PCDHGA5: variants seen among roughly 807,000 people sequenced by gnomAD.
PCDHGA5 encodes protocadherin gamma subfamily A, 5.
Under a neutral mutation model 56.7 loss-of-function variants are expected in PCDHGA5, and 36 were observed. The observed-to-expected ratio is 0.64, with a 90% CI of 0.49 to 0.84. PCDHGA5 has a LOEUF of 0.84. PCDHGA5 is among the 40% of genes least tolerant of loss of function. PCDHGA5 has a pLI of 0.00. For missense variants in PCDHGA5, 1,305 were observed against 1,201.5 expected (o/e 1.09, Z -1.27); for synonymous variants, 563 against 520.2 (o/e 1.08, Z -1.12).
chr5:141,395,327 AAAT>A (rs760723981), intron 1 of PCDHGA5: 2 of 1,469,018 alleles, frequency 1.4e-6, no homozygotes, highest in Non-Finnish European at 1.8e-6. Flanking sequence ...AGATAGTTGA[AAAT>A]AATTTTTAAG....
Position 141,393,514 on chromosome 5 carries a change from A to T in PCDHGA5, c.2421+26763A>T, listed in dbSNP as rs72492419. 17 of 1,613,912 alleles carry T rather than the reference A, an allele frequency of 1.1e-5. No individual in the cohort carries two copies. In the East Asian group the frequency reaches 3.8e-4, roughly 36 times the overall value. Reference sequence around the variant, plus strand: ...GTGCGCATCCACGTGACAGTGTTGGATACAAATGACAATGCCCCGGTTTTT... The same window carrying T: ...GTGCGCATCCACGTGACAGTGTTGGTTACAAATGACAATGCCCCGGTTTTT... On this transcript the variant is annotated intron_variant, in intron 1 of 3. Coordinates refer to ENST00000518069, the MANE Select transcript of PCDHGA5 (RefSeq NM_018918.3).
At chr5:141,375,754 C>A (rs764343077) in intron 1 of PCDHGA5, 1 of 1,614,244 alleles carries the variant, frequency 6.2e-7, no homozygotes, top group East Asian at 2.2e-5. Flanking sequence ...ACCAGAATGA[C>A]AATGCGCCCG....
In PCDHGA5 at chr5:141,403,333, C is replaced by T. The variant is rs376895778; in HGVS notation, c.2421+36582C>T. On this transcript the variant is annotated intron_variant, in intron 1 of 3. Transcript: ENST00000518069. ...TAGAAATAGAAGTAACTGATATTAA[C>T]GACAGCGCCCCAAAGTTCCAGGCCG... is the stretch of plus-strand genomic sequence containing the variant. 5 of 1,613,866 alleles carry T rather than the reference C, an allele frequency of 3.1e-6. No homozygotes were observed. The African/African-American group carries it at 5.3e-5, about 17-fold the overall frequency.
At position 141,409,480 on chromosome 5, in the gene PCDHGA5, CAG is replaced by C. The variant is rs761811893; in HGVS notation, c.2421+42730_2421+42731del. 9 of 1,614,002 alleles carry C rather than the reference CAG, an allele frequency of 5.6e-6. No homozygotes were observed. In the Admixed American group the frequency reaches 8.3e-5, roughly 15 times the overall value. On this transcript the variant is annotated intron_variant, in intron 1 of 3. Transcript: ENST00000518069. ...ACAATGTCACCATCGTAGCCACTGA[CAG>C]GGGCAAGCCGCCTCTTTCTTCCAGT...
rs1467261705 is a variant in PCDHGA5, at chr5:141,417,640, C to G, written c.2421+50889C>G. 6.6e-6 allele frequency: 5 copies of G among 761,360 alleles called. No homozygotes were observed. The African/African-American group carries it at 8.8e-5, about 13-fold the overall frequency. 47.2% of individuals were successfully genotyped at this position (761,360 alleles called of 1,614,324 possible). A position where few individuals can be genotyped will look rare whatever the true frequency, so the allele number is the denominator to read the frequency against. On this transcript the variant is annotated intron_variant, in intron 1 of 3. Coordinates refer to ENST00000518069, the MANE Select transcript of PCDHGA5 (RefSeq NM_018918.3). ...AGAGCAAGCGCTGACGCCGGGGATC[C>G]CTCAGCCTCTAGCCTGGGATTCCCT...
In PCDHGA5 at chr5:141,426,319, C is replaced by A. The variant is rs572457971; in HGVS notation, c.2421+59568C>A. On this transcript the variant is annotated intron_variant, in intron 1 of 3. Coordinates refer to ENST00000518069, the MANE Select transcript of PCDHGA5 (RefSeq NM_018918.3). ...CAGGGTGAAGCAGAGAAGCAGGACC[C>A]GGCAGTGGCAAGCACTCTTCCCTTT... 9 of 175,482 alleles carry A rather than the reference C, an allele frequency of 5.1e-5. No homozygotes were observed. In the East Asian group the frequency reaches 6.8e-4, roughly 13 times the overall value. The allele number at this position is 175,482 out of a possible 1,614,324, so 10.9% of individuals were successfully genotyped here.
intron 1 of PCDHGA5, chr5:141,428,064 G>A: frequency 6.2e-7 from 1 of 1,609,060 alleles, no homozygotes; most frequent in East Asian, 2.2e-5. Flanking sequence ...GGCGGTGGAC[G>A]CAGATTCGGG....
intron 1 of PCDHGA5, chr5:141,383,294 G>C: frequency 6.2e-7 from 1 of 1,613,938 alleles, no homozygotes; most frequent in Non-Finnish European, 8.5e-7. Flanking sequence ...AACGTTCCAA[G>C]ATTCTTGACG....
rs760017836 is a variant in PCDHGA5, at chr5:141,432,060, C to G, written c.2422-62747C>G. 1.2e-6 allele frequency: 2 copies of G among 1,614,200 alleles called. No homozygotes were observed. The highest frequency in any genetic ancestry group is 1.7e-6 in the Non-Finnish European group (2 of 1,180,048). ...GACCGGGGAACCCCGCCCCTATCCACGGAAACTCATATCTCGCTGAACGTG... is the reference window on the plus strand; with the variant it reads ...GACCGGGGAACCCCGCCCCTATCCAGGGAAACTCATATCTCGCTGAACGTG... On this transcript the variant is annotated intron_variant, in intron 1 of 3. Coordinates refer to ENST00000518069, the MANE Select transcript of PCDHGA5 (RefSeq NM_018918.3). The surrounding 1 kb of genome is among the most constrained non-coding windows in gnomAD (Gnocchi z 6.0).
chr5:141,499,763 T>C (rs2099794343), intron 2 of PCDHGA5, among the ~76,000 whole-genome samples: 1 of 148,434 alleles, frequency 6.7e-6, no homozygotes, highest in African/African-American at 2.5e-5. Flanking sequence ...CTCAGCTCAC[T>C]GCAGCCTTCG....
Position 141,489,111 on chromosome 5 carries a change from C to T in PCDHGA5, c.2422-5696C>T. The T allele has an allele frequency of 1.9e-6, 1 of 518,040 alleles. No individual in the cohort carries two copies. Among genetic ancestry groups the T allele is most frequent in the African/African-American group, 1.9e-5 (1 of 51,336 alleles). The allele number at this position is 518,040 out of a possible 1,614,324, so 32.1% of individuals were successfully genotyped here. ...GTGACTAAGAACTGCTGCAAGCAGG[C>T]AAACCTCCGAGCAGTTTTTAAGAGG... On this transcript the variant is annotated intron_variant, in intron 1 of 3. Transcript: ENST00000518069. This position sits in a 1 kb window ranked among gnomAD's most constrained non-coding sequence, Gnocchi z 4.5.
In PCDHGA5 at chr5:141,487,906, AGCACAGGAGGCTACAGT is replaced by A. The variant is rs2099668744; in HGVS notation, c.2422-6893_2422-6877del. ...TGGAAGCATGATGATGGAATGTGGG[AGCACAGGAGGCTACAGT>A]GCACAGGGTACAGTGCACCAGGCAG... On this transcript the variant is annotated intron_variant, in intron 1 of 3. Coordinates refer to ENST00000518069, the MANE Select transcript of PCDHGA5 (RefSeq NM_018918.3). The surrounding 1 kb of genome is among the most constrained non-coding windows in gnomAD (Gnocchi z 5.0). The A allele has an allele frequency of 8.7e-6, 6 of 686,524 alleles. No homozygotes were observed. The East Asian group carries it at 1.6e-4, about 19-fold the overall frequency. The allele number at this position is 686,524 out of a possible 1,614,324, so 42.5% of individuals were successfully genotyped here.
At chr5:141,483,333 C>G (rs566443186) in intron 1 of PCDHGA5, among the ~76,000 whole-genome samples, 1 of 152,096 alleles carries the variant, frequency 6.6e-6, no homozygotes, top group East Asian at 1.9e-4. Context: ...GCAAAGAGAT[C>G]TTATCTCTTT....
intron 1 of PCDHGA5, among the ~76,000 whole-genome samples, chr5:141,406,775 CACTT>C (rs2094850405): frequency 6.6e-6 from 1 of 152,200 alleles, no homozygotes; most frequent in Non-Finnish European, 1.5e-5. Context: ...ATATTTCTCT[CACTT>C]ATATATTATT....
rs942270362 is a variant in PCDHGA5 at position 141,394,773 on chromosome 5, C to T, written c.2421+28022C>T. On this transcript the variant is annotated intron_variant, in intron 1 of 3. Coordinates refer to ENST00000518069, the MANE Select transcript of PCDHGA5 (RefSeq NM_018918.3). ...CGTCCAGGACCATGGCCAGCCCCCT[C>T]TCTCCGCCACTGTCACGCTCACCGT... 4.3e-5 allele frequency: 70 copies of T among 1,613,400 alleles called. No homozygotes were observed. The highest frequency in any genetic ancestry group is 5.6e-5 in the Non-Finnish European group (66 of 1,179,978).
At chr5:141,397,462 G>A (rs1415733475) in intron 1 of PCDHGA5, among the ~76,000 whole-genome samples, 1 of 152,152 alleles carries the variant, frequency 6.6e-6, no homozygotes, top group Non-Finnish European at 1.5e-5. Context: ...TAGAAATATT[G>A]GGGAGTTGGA....
At chr5:141,405,505 C>A in intron 1 of PCDHGA5, 2 of 751,126 alleles carry the variant, frequency 2.7e-6, no homozygotes, top group Non-Finnish European at 4.2e-6. Context: ...TTGCAACCTC[C>A]GCCTCCCAAA....
chr5:141,456,157 A>G (rs1307977690), intron 1 of PCDHGA5, among the ~76,000 whole-genome samples: 3 of 152,052 alleles, frequency 2.0e-5, no homozygotes, highest in Admixed American at 1.3e-4. Context: ...TCGGCCTCCT[A>G]AAGTGCTGGG....
At position 141,366,256 on chromosome 5, in the gene PCDHGA5, C is replaced by A. The variant is rs751677361; in HGVS notation, c.1926C>A (p.Leu642=). The change falls in exon 1 of 4, where the codon CTC becomes CTA. Residue 642 remains leucine, a synonymous_variant. Coordinates refer to ENST00000518069, the MANE Select transcript of PCDHGA5 (RefSeq NM_018918.3). ...LLDRDALKQS[L]VVAVEDHGQP... ...ACAGAGACGCGCTCAAGCAGAGCCTCGTGGTGGCCGTCGAAGACCATGGCC... is the reference window on the plus strand; with the variant it reads ...ACAGAGACGCGCTCAAGCAGAGCCTAGTGGTGGCCGTCGAAGACCATGGCC... 1 of 1,613,584 alleles carries A rather than the reference C, an allele frequency of 6.2e-7. No individual in the cohort carries two copies. The highest frequency in any genetic ancestry group is 1.3e-5 in the African/African-American group (1 of 74,958).
Sources: allele counts gnomAD v4.1 joint callset (sites outside exome capture counted in the v4.1 genomes callset), GRCh38; gene constraint gnomAD v4.1.1; non-coding constraint Gnocchi (gnomAD v3.1); transcripts MANE v1.5; gene names NCBI Gene and HGNC (gene_info 2026-07-23, HGNC 2026-07-21).